The following HEMK2 variants were observed in gnomAD, a reference collection of about 807,000 sequenced individuals.
HEMK2 encodes HemK methyltransferase 2, ETF1 glutamine and histone H4 lysine.
At chr21:28,733,140 G>A in the HEMK2 span, among the ~76,000 whole-genome samples, 2,158 of 152,212 alleles carry the variant, frequency 0.014, 27 homozygotes, top group Middle Eastern at 0.024. Flanking sequence ...TTAGCCGGGC[G>A]TGGTGGTGGG....
the HEMK2 span, among the ~76,000 whole-genome samples, chr21:28,708,700 T>C: frequency 6.6e-6 from 1 of 152,266 alleles, no homozygotes; most frequent in East Asian, 1.9e-4. Context: ...TAAAAGTAAA[T>C]CATACAAGTC....
At chr21:28,863,040 G>C in the HEMK2 span, among the ~76,000 whole-genome samples, 8 of 152,226 alleles carry the variant, frequency 5.3e-5, no homozygotes, top group African/African-American at 1.9e-4. Flanking sequence ...TTAATACTGA[G>C]TGTCAACTTG....
At chr21:28,606,466 T>C in the HEMK2 span, among the ~76,000 whole-genome samples, 1 of 152,158 alleles carries the variant, frequency 6.6e-6, no homozygotes, top group East Asian at 1.9e-4. Context: ...TCACTCCCAT[T>C]ATTACTCTTC....
At chr21:28,648,263 G>A in the HEMK2 span, among the ~76,000 whole-genome samples, 1 of 152,178 alleles carries the variant, frequency 6.6e-6, no homozygotes, top group African/African-American at 2.4e-5. Context: ...TAAAGCATTT[G>A]ACCCACTTTC....
At chr21:28,744,755 T>A in the HEMK2 span, among the ~76,000 whole-genome samples, 3 of 152,206 alleles carry the variant, frequency 2.0e-5, no homozygotes, top group African/African-American at 7.2e-5. Context: ...AGAGAGCTAT[T>A]TTAGATAAAC....
chr21:28,802,796 T>A, the HEMK2 span, among the ~76,000 whole-genome samples: 1 of 152,198 alleles, frequency 6.6e-6, no homozygotes, highest in Admixed American at 6.5e-5. Flanking sequence ...TTAATAATTT[T>A]AGCATTTTGA....
chr21:28,807,024 T>G, the HEMK2 span, among the ~76,000 whole-genome samples: 1 of 152,180 alleles, frequency 6.6e-6, no homozygotes, highest in East Asian at 1.9e-4. Context: ...CAGGCACAAC[T>G]AAACTGAGGT....
At chr21:28,594,127 T>C in the HEMK2 span, among the ~76,000 whole-genome samples, 3 of 152,172 alleles carry the variant, frequency 2.0e-5, no homozygotes, top group African/African-American at 7.2e-5. Context: ...AAACATAATA[T>C]AAACCCAAAT....
At chr21:28,592,928 T>C in the HEMK2 span, among the ~76,000 whole-genome samples, 3 of 152,228 alleles carry the variant, frequency 2.0e-5, no homozygotes, top group African/African-American at 7.2e-5. Flanking sequence ...TCAGGAATTA[T>C]GGTGATGCCA....
chr21:28,797,031 T>C, the HEMK2 span, among the ~76,000 whole-genome samples: 2 of 152,244 alleles, frequency 1.3e-5, no homozygotes, highest in Admixed American at 6.5e-5. Flanking sequence ...AGGCTGTTGG[T>C]TGTTCCTTCC....
chr21:28,620,660 C>CTTTTTTTTTTGTTTTTTTT, the HEMK2 span, among the ~76,000 whole-genome samples: 1 of 49,642 alleles, frequency 2.0e-5, no homozygotes, highest in Non-Finnish European at 3.3e-5. Context: ...TCTCTCTTTT[C>CTTTTTTTTTTGTTTTTTTT]TTTTTTTTTT....
the HEMK2 span, among the ~76,000 whole-genome samples, chr21:28,629,322 TG>T: frequency 1.3e-5 from 2 of 152,234 alleles, no homozygotes; most frequent in African/African-American, 4.8e-5. Context: ...AGGGAGACAG[TG>T]CTGTGGTGTT....
chr21:28,864,913 T>TATAGATAGATAGATAGATAGATAGATAG, the HEMK2 span, among the ~76,000 whole-genome samples: 2,598 of 143,664 alleles, frequency 0.018, 85 homozygotes, highest in African/African-American at 0.053. Flanking sequence ...AGATAGATGA[T>TATAGATAGATAGATAGATAGATAGATAG]ATAGATAGAT....
the HEMK2 span, among the ~76,000 whole-genome samples, chr21:28,703,274 C>CTT: frequency 6.6e-6 from 1 of 151,454 alleles, no homozygotes; most frequent in Non-Finnish European, 1.5e-5. Flanking sequence ...ACACAATTTA[C>CTT]TTATATAACA....
chr21:28,579,827 C>T, the HEMK2 span, among the ~76,000 whole-genome samples: 1 of 152,158 alleles, frequency 6.6e-6, no homozygotes, highest in Non-Finnish European at 1.5e-5. Flanking sequence ...TTTTGCTTTC[C>T]TATATATTCA....
At chr21:28,588,482 T>C in the HEMK2 span, among the ~76,000 whole-genome samples, 4 of 152,176 alleles carry the variant, frequency 2.6e-5, no homozygotes, top group African/African-American at 7.2e-5. Context: ...TGACCAGGAT[T>C]TAACAGAAGT....
the HEMK2 span, among the ~76,000 whole-genome samples, chr21:28,807,036 C>G: frequency 6.6e-6 from 1 of 152,276 alleles, no homozygotes; most frequent in East Asian, 1.9e-4. Flanking sequence ...AACTGAGGTT[C>G]CTGCTTAAGT....
At chr21:28,729,615 C>T in the HEMK2 span, among the ~76,000 whole-genome samples, 51 of 138,006 alleles carry the variant, frequency 3.7e-4, no homozygotes, top group South Asian at 4.5e-4. Context: ...TACACTAACA[C>T]TAACGATTGC....
At chr21:28,578,517 G>A in the HEMK2 span, among the ~76,000 whole-genome samples, 5,196 of 152,252 alleles carry the variant, frequency 0.034, 295 homozygotes, top group African/African-American at 0.12. Flanking sequence ...GGGCCACAGC[G>A]GGGTTTCACT....
Sources: allele counts gnomAD v4.1 joint callset (sites outside exome capture counted in the v4.1 genomes callset), GRCh38; gene constraint gnomAD v4.1.1; transcripts MANE v1.5; gene names NCBI Gene and HGNC (gene_info 2026-07-23, HGNC 2026-07-21).